COBL: variants seen among roughly 807,000 people sequenced by gnomAD.
COBL encodes the protein protein cordon-bleu.
Under a neutral mutation model 98.8 loss-of-function variants are expected in COBL, and 51 were observed. That is an observed-to-expected ratio of 0.52 (90% CI 0.41 to 0.65). The LOEUF (loss-of-function observed/expected upper bound fraction) is 0.65. COBL is among the 30% of genes least tolerant of loss of function. The pLI is 0.00. For missense variants in COBL, 1,617 were observed against 1,617.5 expected, an observed-to-expected ratio of 1.00 and a Z score of 0.01; for synonymous variants, 634 against 651.7, an observed-to-expected ratio of 0.97 and a Z score of 0.41.
chr7:51,035,593 C>A (rs1788557766), intron 8 of COBL: 1 of 152,028 alleles, frequency 6.6e-6, no homozygotes, highest in Non-Finnish European at 1.5e-5. Context: ...AACAATGGTG[C>A]CCAATATAAC....
intron 12 of COBL, chr7:51,020,828 C>T (rs780778895): frequency 2.6e-5 from 4 of 152,256 alleles, no homozygotes; most frequent in Admixed American, 6.5e-5. Context: ...TCATTGGATT[C>T]ACACCGTGAA....
intron 6 of COBL, among the ~76,000 whole-genome samples, chr7:51,091,719 A>G (rs1794828086): frequency 6.6e-6 from 1 of 152,222 alleles, no homozygotes; most frequent in African/African-American, 2.4e-5. Context: ...CCATACCACA[A>G]TTCATTAAAA....
At chr7:51,126,323 G>A (rs573077955) in intron 6 of COBL, among the ~76,000 whole-genome samples, 4 of 151,872 alleles carry the variant, frequency 2.6e-5, no homozygotes, top group Non-Finnish European at 4.4e-5. Context: ...GCGAGACTCC[G>A]TCTCAAAAAA....
At chr7:51,093,356 C>T (rs997405907) in intron 6 of COBL, among the ~76,000 whole-genome samples, 2 of 152,082 alleles carry the variant, frequency 1.3e-5, no homozygotes, top group Non-Finnish European at 2.9e-5. Context: ...GTTAGAATGG[C>T]TATGACAAAA....
chr7:51,273,879 T>A (rs752748367), intron 1 of COBL, among the ~76,000 whole-genome samples: 8 of 152,162 alleles, frequency 5.3e-5, no homozygotes, highest in Admixed American at 1.3e-4. Context: ...TATTTTGAAG[T>A]GTCATCGAAC....
At chr7:51,133,136 A>C (rs1798906352) in intron 6 of COBL, among the ~76,000 whole-genome samples, 1 of 152,150 alleles carries the variant, frequency 6.6e-6, no homozygotes, top group African/African-American at 2.4e-5. Flanking sequence ...TCTACACAGC[A>C]CGATGGTGAG....
chr7:51,283,013 G>A (rs930836585), intron 1 of COBL, among the ~76,000 whole-genome samples: 6 of 152,110 alleles, frequency 3.9e-5, no homozygotes, highest in African/African-American at 1.4e-4. Flanking sequence ...TGACTGGTGG[G>A]ATGATGATAA....
chr7:51,050,973 T>G (rs1269953525), intron 7 of COBL, among the ~76,000 whole-genome samples: 1 of 152,222 alleles, frequency 6.6e-6, no homozygotes, highest in East Asian at 1.9e-4. Context: ...TATATTAAAT[T>G]ACATATTAAA....
chr7:51,160,896 T>A (rs1271773403), intron 5 of COBL, among the ~76,000 whole-genome samples: 1 of 151,768 alleles, frequency 6.6e-6, no homozygotes, highest in African/African-American at 2.4e-5. Context: ...TTTATTTTGT[T>A]TTGAATATAA....
At chr7:51,090,099 C>T (rs887257067) in intron 6 of COBL, among the ~76,000 whole-genome samples, 1 of 152,062 alleles carries the variant, frequency 6.6e-6, no homozygotes, top group Admixed American at 6.6e-5. Flanking sequence ...TACTAAAACT[C>T]CTCAGGTATA....
intron 1 of COBL, among the ~76,000 whole-genome samples, chr7:51,298,937 C>A (rs1801660089): frequency 1.3e-5 from 2 of 152,230 alleles, no homozygotes; most frequent in South Asian, 2.1e-4. Context: ...TCTTCCTCCT[C>A]TACCCCAAGA....
At chr7:51,284,502 A>G (rs1339808888) in intron 1 of COBL, among the ~76,000 whole-genome samples, 1 of 151,608 alleles carries the variant, frequency 6.6e-6, no homozygotes, top group Non-Finnish European at 1.5e-5. Flanking sequence ...GTAAATTAGA[A>G]ATAAAAAAAA....
chr7:51,311,902 T>C (rs903370458), intron 1 of COBL, among the ~76,000 whole-genome samples: 1 of 152,134 alleles, frequency 6.6e-6, no homozygotes, highest in African/African-American at 2.4e-5. Flanking sequence ...ACCAACTTTT[T>C]TTCAGCTATA....
chr7:51,026,571 T>G lies in COBL; in HGVS notation c.3479A>C (p.His1160Pro). 1 of 1,614,168 alleles carries G rather than the reference T, an allele frequency of 6.2e-7. No homozygotes were observed. The highest frequency in any genetic ancestry group is 8.5e-7 in the Non-Finnish European group (1 of 1,180,038). ...CTTCCTCAGGCTGCAGGTGCCGCTG[T>G]GCCCGCGGATAGCTGCCAGCAGTGC... is the stretch of plus-strand genomic sequence containing the variant. ...RSALLAAIRG[H>P]SGTCSLRKVA... The change falls in exon 11 of 13, where the codon CAC becomes CCC. Residue 1160 changes from histidine (H) to proline (P), a missense_variant. Physicochemically the swap from His to Pro is moderately conservative, Grantham distance 77. This residue lies in a region of COBL where 1,304 missense variants were observed against 1,282.0 expected (regional missense o/e 1.02). Transcript: ENST00000265136.
chr7:51,057,849 G>A (rs1041952557), intron 7 of COBL, among the ~76,000 whole-genome samples: 1 of 152,118 alleles, frequency 6.6e-6, no homozygotes, highest in Non-Finnish European at 1.5e-5. Context: ...GTCCCCTTGC[G>A]AGGCAGGGAC....
At chr7:51,296,278 G>A (rs1308268307) in intron 1 of COBL, among the ~76,000 whole-genome samples, 3 of 152,054 alleles carry the variant, frequency 2.0e-5, no homozygotes, top group Non-Finnish European at 4.4e-5. Context: ...ATTTTAAAAT[G>A]ATCCTACATC....
intron 6 of COBL, among the ~76,000 whole-genome samples, chr7:51,129,454 G>A (rs924033823): frequency 6.6e-6 from 1 of 151,942 alleles, no homozygotes; most frequent in Non-Finnish European, 1.5e-5. Flanking sequence ...TTTGGAGGAC[G>A]CCAACATTTA....
intron 7 of COBL, chr7:51,065,039 A>G (rs1339183294): frequency 1.7e-5 from 11 of 630,782 alleles, no homozygotes; most frequent in Non-Finnish European, 2.9e-5. Flanking sequence ...AACTGTGTGA[A>G]TAACACTGAT....
intron 7 of COBL, among the ~76,000 whole-genome samples, chr7:51,082,556 T>C (rs1339626010): frequency 2.0e-5 from 3 of 152,228 alleles, no homozygotes; most frequent in South Asian, 4.1e-4. Flanking sequence ...CTGCTTCCCC[T>C]TCTCGTACAC....
Sources: gnomAD v4.1 joint callset for allele counts (sites outside exome capture counted in the v4.1 genomes callset) on GRCh38, gnomAD v4.1.1 for gene constraint, gnomAD v4.1.1 regional missense constraint, MANE v1.5 for transcripts, NCBI Gene and HGNC (gene_info 2026-07-23, HGNC 2026-07-21) for gene names.